Variants in CERKL observed in about 807,000 individuals in gnomAD.
CERKL encodes the protein CERK like autophagy regulator.
CERKL carries 61 observed loss-of-function variants against 63.4 expected under a neutral mutation model. That is an observed-to-expected ratio of 0.96 (90% CI 0.78 to 1.19). The LOEUF is 1.19. CERKL is among the 50% of genes most tolerant of loss of function. The pLI is 0.00. For missense variants in CERKL, 675 were observed against 655.5 expected, an observed-to-expected ratio of 1.03 and a Z score of -0.33; for synonymous variants, 250 against 230.5, an observed-to-expected ratio of 1.08 and a Z score of -0.77.
At chr2:181,574,847 T>C (rs776736006) in intron 2 of CERKL, among the ~76,000 whole-genome samples, 3 of 152,174 alleles carry the variant, frequency 2.0e-5, no homozygotes, top group Non-Finnish European at 2.9e-5. Flanking sequence ...ATATTTTACT[T>C]CTCATTATAT....
In CERKL at chr2:181,550,535, T is replaced by A. The variant is rs2105806874; in HGVS notation, c.821-827A>T. Among the ~76,000 whole-genome samples, 1 of 152,252 alleles carries A rather than the reference T, an allele frequency of 6.6e-6. No homozygotes were observed. Among genetic ancestry groups the A allele is most frequent in the Non-Finnish European group, 1.5e-5 (1 of 68,018 alleles). On this transcript the variant is annotated intron_variant, in intron 5 of 12. Transcript: ENST00000410087. The surrounding 1 kb of genome is among the most constrained non-coding windows in gnomAD (Gnocchi z 4.5). ...AAGAACAGAATGAATGAAGCTACAA[T>A]TTTTCTTGAATTAAAGAATATAATA...
At chr2:181,656,735 A>C (rs1409282848) in intron 1 of CERKL, 34 bp downstream of exon 1, 29 of 1,525,924 alleles carry the variant, frequency 1.9e-5, no homozygotes, top group Non-Finnish European at 2.2e-5. Flanking sequence ...GGAAGCGCGG[A>C]GGGAGGCGAA....
intron 3 of CERKL, among the ~76,000 whole-genome samples, chr2:181,572,415 T>C (rs956301377): frequency 6.6e-6 from 1 of 152,214 alleles, no homozygotes; most frequent in African/African-American, 2.4e-5. Flanking sequence ...AAGTGAATGC[T>C]ATATAGCAAT....
In CERKL at chr2:181,638,876, G is replaced by A. The variant is rs181193699; in HGVS notation, c.238+17893C>T. Among the ~76,000 whole-genome samples, 859 of 152,236 alleles carry A rather than the reference G, an allele frequency of 5.6e-3. 10 individuals are homozygous for A. The highest frequency in any genetic ancestry group is 0.02 in the African/African-American group (828 of 41,548). On this transcript the variant is annotated intron_variant, in intron 1 of 12. Coordinates refer to ENST00000410087, the MANE Select transcript of CERKL (RefSeq NM_201548.5). ...TCTGAGGCTCTCCCTTCCCCAACCT[G>A]CCTCATCCCCTTTACGGGTATCAGA...
intron 3 of CERKL, among the ~76,000 whole-genome samples, chr2:181,571,950 G>T (rs932704047): frequency 2.4e-4 from 36 of 152,176 alleles, no homozygotes; most frequent in African/African-American, 8.4e-4. Context: ...CATCCCACTG[G>T]ATATTAATAA....
intron 1 of CERKL, among the ~76,000 whole-genome samples, chr2:181,604,642 AC>A (rs958231473): frequency 3.9e-5 from 6 of 152,222 alleles, no homozygotes; most frequent in Admixed American, 6.5e-5. Context: ...GCTCTTTGGT[AC>A]TAAGGATAGA....
At position 181,537,274 on chromosome 2, in the gene CERKL, AC is replaced by A; in HGVS notation, c.*909del. On this transcript the variant is annotated 3_prime_UTR_variant, in exon 13 of 13. Transcript: ENST00000410087. ...ATTTGGTTCTTTCCTACTCAGAACTACTCAGAAACAACTATATATTTCAGGT... is the reference window on the plus strand; with the variant it reads ...ATTTGGTTCTTTCCTACTCAGAACTATCAGAAACAACTATATATTTCAGGT... 2.2e-6 allele frequency: 1 copy of A among 453,646 alleles called. No individual in the cohort carries two copies. Among genetic ancestry groups the A allele is most frequent in the African/African-American group, 2.0e-5 (1 of 50,072 alleles). 28.1% of individuals were successfully genotyped at this position (453,646 alleles called of 1,614,324 possible).
chr2:181,607,235 C>T (rs1685756784), intron 1 of CERKL, among the ~76,000 whole-genome samples: 1 of 152,200 alleles, frequency 6.6e-6, no homozygotes, highest in African/African-American at 2.4e-5. Flanking sequence ...TGTGACCTCA[C>T]CAACCCTGAG....
chr2:181,580,585 G>A (rs1684460791), intron 2 of CERKL, among the ~76,000 whole-genome samples: 1 of 152,078 alleles, frequency 6.6e-6, no homozygotes, highest in African/African-American at 2.4e-5. Context: ...GTCAGTTCTA[G>A]AATAAGAAAA....
At chr2:181,545,456 G>T (rs528965757) in intron 10 of CERKL, among the ~76,000 whole-genome samples, 3 of 152,290 alleles carry the variant, frequency 2.0e-5, no homozygotes, top group East Asian at 3.9e-4. Flanking sequence ...AATGCAGTTT[G>T]CAGAAATACA....
chr2:181,537,792 A>C lies in CERKL; in HGVS notation c.*392T>G. 1 of 460,842 alleles carries C rather than the reference A, an allele frequency of 2.2e-6. No homozygotes were observed. The highest frequency in any genetic ancestry group is 1.6e-5 in the South Asian group (1 of 63,482). The allele number at this position is 460,842 out of a possible 1,614,324, so 28.5% of individuals were successfully genotyped here. On this transcript the variant is annotated 3_prime_UTR_variant, in exon 13 of 13. Coordinates refer to ENST00000410087, the MANE Select transcript of CERKL (RefSeq NM_201548.5). Reference sequence around the variant, plus strand: ...AAAACAGAATTTGAATTGATATTTCATCTTGACTTTTAAAGCCCTAGAGGC... The same window carrying C: ...AAAACAGAATTTGAATTGATATTTCCTCTTGACTTTTAAAGCCCTAGAGGC...
intron 3 of CERKL, among the ~76,000 whole-genome samples, chr2:181,567,281 A>G (rs2105835414): frequency 6.6e-6 from 1 of 152,310 alleles, no homozygotes; most frequent in South Asian, 2.1e-4. Flanking sequence ...AACTACAGCA[A>G]GTACTTACAA....
In CERKL at chr2:181,547,683, A is replaced by G. The variant is rs771650977; in HGVS notation, c.1203T>C (p.Asn401=). The G allele has an allele frequency of 4.3e-6, 7 of 1,614,132 alleles. No homozygotes were observed. In the South Asian group the frequency reaches 7.7e-5, roughly 18 times the overall value. The change falls in exon 10 of 13, where the codon AAT becomes AAC. Residue 401 remains asparagine (N), a synonymous_variant. Coordinates refer to ENST00000410087, the MANE Select transcript of CERKL (RefSeq NM_201548.5). The stretch of plus-strand genomic sequence containing the variant: ...GGCAAGGAATTGCCATAATGCTGAC[A>G]TTCAAGAACTGACCCTGGATCATTT... ...QWQMIQGQFL[N]VSIMAIPCLC...
chr2:181,642,769 A>C (rs1336954820), intron 1 of CERKL, among the ~76,000 whole-genome samples: 2 of 152,222 alleles, frequency 1.3e-5, no homozygotes, highest in Non-Finnish European at 2.9e-5. Flanking sequence ...TACTATTTGA[A>C]TGCTAATCAA....
At chr2:181,553,842 T>C (rs999042723) in intron 5 of CERKL, among the ~76,000 whole-genome samples, 4 of 152,172 alleles carry the variant, frequency 2.6e-5, no homozygotes, top group African/African-American at 9.6e-5. Context: ...CTATATTTTG[T>C]TGGGATAATC....
rs1237034390 is a variant in CERKL at position 181,657,096 on chromosome 2, G to T, written c.-90C>A. The T allele has an allele frequency of 8.2e-7, 1 of 1,223,720 alleles. No homozygotes were observed. The highest frequency in any genetic ancestry group is 1.2e-6 in the Non-Finnish European group (1 of 854,838). 75.8% of individuals were successfully genotyped at this position (1,223,720 alleles called of 1,614,324 possible). On this transcript the variant is annotated 5_prime_UTR_variant, in exon 1 of 13. Transcript: ENST00000410087. ...GCGCGGCAGCCCCAGCTCTAGCCGC[G>T]TCCAGCGCTGCCACAGCAACGGCGC...
At chr2:181,576,520 A>T (rs1370658132) in intron 2 of CERKL, among the ~76,000 whole-genome samples, 2 of 152,254 alleles carry the variant, frequency 1.3e-5, no homozygotes, top group Admixed American at 6.5e-5. Context: ...AGGGAAGGTC[A>T]GATCACCCTC....
intron 1 of CERKL, among the ~76,000 whole-genome samples, chr2:181,615,546 T>C (rs1339652905): frequency 6.6e-6 from 1 of 152,368 alleles, no homozygotes; most frequent in Admixed American, 6.5e-5. Context: ...GCCTGCCTGA[T>C]AGATGGCTCC....
chr2:181,562,413 G>T (rs1197344508), intron 4 of CERKL, among the ~76,000 whole-genome samples: 2 of 152,090 alleles, frequency 1.3e-5, no homozygotes, highest in African/African-American at 4.8e-5. Flanking sequence ...GTTATCATAG[G>T]CCATGAGCAC....
Sources: allele counts gnomAD v4.1 joint callset (sites outside exome capture counted in the v4.1 genomes callset), GRCh38; gene constraint gnomAD v4.1.1; non-coding constraint Gnocchi (gnomAD v3.1); transcripts MANE v1.5; gene names NCBI Gene and HGNC (gene_info 2026-07-23, HGNC 2026-07-21).